The following PHB1 variants were observed in gnomAD, a reference collection of about 807,000 sequenced individuals.
PHB1 encodes epididymis luminal protein 215.
chr17:49,408,151 C>T, the PHB1 span, among the ~76,000 whole-genome samples: 44 of 152,330 alleles, frequency 2.9e-4, no homozygotes, highest in African/African-American at 9.6e-4. Flanking sequence ...AGAATGGCTG[C>T]AGCCTGGCCT....
chr17:49,408,924 A>G, the PHB1 span: 1 of 693,646 alleles, frequency 1.4e-6, no homozygotes, highest in Non-Finnish European at 2.5e-6. Flanking sequence ...CGTGTTTTCA[A>G]GTCTCACATC....
chr17:49,407,814 A>C, the PHB1 span, among the ~76,000 whole-genome samples: 1 of 152,220 alleles, frequency 6.6e-6, no homozygotes, highest in Non-Finnish European at 1.5e-5. Flanking sequence ...CTCTAACTGC[A>C]GCTGTTGTAC....
At chr17:49,407,400 G>A in the PHB1 span, 6 of 155,680 alleles carry the variant, frequency 3.9e-5, no homozygotes, top group African/African-American at 1.4e-4. Flanking sequence ...GAGGACGAGG[G>A]ACGGTGGAAC....
At chr17:49,404,611 C>A in the PHB1 span, 5 of 301,528 alleles carry the variant, frequency 1.7e-5, no homozygotes, top group Non-Finnish European at 3.2e-5. Flanking sequence ...AGTGACAGGA[C>A]GGAGGCCACA....
At chr17:49,405,113 T>C in the PHB1 span, 1 of 1,613,674 alleles carries the variant, frequency 6.2e-7, no homozygotes, top group Non-Finnish European at 8.5e-7. Flanking sequence ...GATCAGGCCA[T>C]CCCCTGCAGT....
the PHB1 span, chr17:49,411,725 T>C: frequency 1.2e-6 from 2 of 1,614,110 alleles, no homozygotes; most frequent in Non-Finnish European, 1.7e-6. Flanking sequence ...AGAACGGCAG[T>C]CAAAGATAAT....
chr17:49,409,764 G>A, the PHB1 span, among the ~76,000 whole-genome samples: 19 of 152,122 alleles, frequency 1.2e-4, no homozygotes, highest in Admixed American at 1.2e-3. Context: ...TCAAACTCCT[G>A]ACCTCAGGTG....
chr17:49,406,038 G>A, the PHB1 span, among the ~76,000 whole-genome samples: 3 of 152,158 alleles, frequency 2.0e-5, no homozygotes, highest in Admixed American at 1.3e-4. Flanking sequence ...TGGGCCCTGC[G>A]TCTATTTGCT....
chr17:49,408,515 C>T, the PHB1 span, among the ~76,000 whole-genome samples: 4 of 152,214 alleles, frequency 2.6e-5, no homozygotes, highest in South Asian at 2.1e-4. Context: ...GGATAGCTTA[C>T]GCCTCAGAGA....
At chr17:49,404,917 C>G in the PHB1 span, 51 of 970,844 alleles carry the variant, frequency 5.3e-5, no homozygotes, top group Non-Finnish European at 2.6e-5. Flanking sequence ...GGGGTGGGAG[C>G]AGAAGGAAGG....
the PHB1 span, chr17:49,404,851 A>AT: frequency 3.2e-6 from 2 of 633,544 alleles, no homozygotes; most frequent in Non-Finnish European, 5.6e-6. Context: ...ATCTGAAGTG[A>AT]TTTTACCTTT....
chr17:49,412,139 A>AT, the PHB1 span: 1 of 280,874 alleles, frequency 3.6e-6, no homozygotes, highest in Non-Finnish European at 6.7e-6. Context: ...TCCCACCAAC[A>AT]TATTTCCAGG....
At chr17:49,404,586 C>T in the PHB1 span, 17 of 285,302 alleles carry the variant, frequency 6.0e-5, no homozygotes, top group Admixed American at 3.0e-4. Context: ...TGCCCTCATC[C>T]GCAAACCTTC....
the PHB1 span, among the ~76,000 whole-genome samples, chr17:49,405,717 G>A: frequency 6.6e-6 from 1 of 152,148 alleles, no homozygotes; most frequent in Non-Finnish European, 1.5e-5. Flanking sequence ...CAAGGCTGCA[G>A]TGAGCTATGA....
At chr17:49,405,140 A>G in the PHB1 span, 1 of 1,614,072 alleles carries the variant, frequency 6.2e-7, no homozygotes. Flanking sequence ...TGAGTTGGCA[A>G]TCAGCTCAGC....
chr17:49,412,113 C>T, the PHB1 span: 6 of 362,514 alleles, frequency 1.7e-5, no homozygotes, highest in Non-Finnish European at 3.0e-5. Flanking sequence ...TCTGAATGAC[C>T]ATTCTATCCC....
the PHB1 span, among the ~76,000 whole-genome samples, chr17:49,411,008 T>C: frequency 6.6e-6 from 1 of 152,124 alleles, no homozygotes; most frequent in Non-Finnish European, 1.5e-5. Context: ...GTCAACAATA[T>C]GGACCAAGCG....
At chr17:49,404,681 C>T in the PHB1 span, 3 of 414,314 alleles carry the variant, frequency 7.2e-6, no homozygotes, top group Admixed American at 7.3e-5. Flanking sequence ...CGCCTGCGTG[C>T]TGCCAAATGC....
the PHB1 span, among the ~76,000 whole-genome samples, chr17:49,413,479 CTGCT>C: frequency 1.5e-4 from 18 of 119,826 alleles, no homozygotes; most frequent in East Asian, 1.4e-3. Context: ...ATCAATTCTT[CTGCT>C]TTTTTTTTTT....
Sources: gnomAD v4.1 joint callset for allele counts (sites outside exome capture counted in the v4.1 genomes callset) on GRCh38, gnomAD v4.1.1 for gene constraint, MANE v1.5 for transcripts, NCBI Gene and HGNC (gene_info 2026-07-23, HGNC 2026-07-21) for gene names.